CAPN3: variants seen among roughly 807,000 people sequenced by gnomAD.
CAPN3 encodes calpain-3.
In CAPN3, 88 loss-of-function variants were observed where a neutral mutation model predicts 114.0. That is an observed-to-expected ratio of 0.77 (90% CI 0.65 to 0.92). The LOEUF is 0.92. Among genes scored for constraint, CAPN3 ranks in the 40% least tolerant of loss-of-function variants. The probability of loss-of-function intolerance (pLI) is 0.00; values close to 1 mark genes in which losing one functional copy is unlikely to be tolerated. For synonymous variants in CAPN3, 386 were observed against 382.9 expected (o/e 1.01, Z -0.09); for missense variants, 1,028 against 1,069.0 (o/e 0.96, Z 0.53).
intron 22 of CAPN3, 109 bp downstream of exon 22, chr15:42,411,109 A>C: frequency 9.3e-7 from 1 of 1,078,278 alleles, no homozygotes. Flanking sequence ...AACAAGGGCC[A>C]ATGACCTCTT....
chr15:42,393,580 T>G (rs1227889593), intron 7 of CAPN3, among the ~76,000 whole-genome samples: 1 of 150,612 alleles, frequency 6.6e-6, no homozygotes, highest in Non-Finnish European at 1.5e-5. Context: ...AGGGGCCTTT[T>G]GTCTTTCTTT....
intron 9 of CAPN3, among the ~76,000 whole-genome samples, chr15:42,398,323 G>A (rs1388569706): frequency 6.6e-6 from 1 of 152,024 alleles, no homozygotes; most frequent in African/African-American, 2.4e-5. Flanking sequence ...GGTGGCTTAT[G>A]CCTGTAATCC....
At chr15:42,392,107 G>C (rs548649621) in intron 6 of CAPN3, among the ~76,000 whole-genome samples, 5 of 152,196 alleles carry the variant, frequency 3.3e-5, no homozygotes, top group African/African-American at 1.2e-4. Context: ...AGAGGTTGCA[G>C]TGAGCCGAGA....
At chr15:42,392,430 C>G (rs1210328277) in intron 6 of CAPN3, among the ~76,000 whole-genome samples, 3 of 152,090 alleles carry the variant, frequency 2.0e-5, no homozygotes, top group African/African-American at 4.8e-5. Context: ...AGAGCCTTCT[C>G]AGGGAGACCA....
chr15:42,381,120 A>G (rs992411352), intron 1 of CAPN3, among the ~76,000 whole-genome samples: 9 of 152,050 alleles, frequency 5.9e-5, no homozygotes, highest in Admixed American at 1.3e-4. Context: ...TAATTGCCCA[A>G]TACATTGTTT....
intron 1 of CAPN3, among the ~76,000 whole-genome samples, chr15:42,377,343 C>T (rs1178550059): frequency 2.0e-5 from 3 of 152,164 alleles, no homozygotes; most frequent in Non-Finnish European, 4.4e-5. Flanking sequence ...TGAGGACATT[C>T]TCCTCTCTTC....
chr15:42,389,926 T>C (rs2053509148), intron 5 of CAPN3, 27 bp from the exon 6 acceptor site: 1 of 1,613,718 alleles, frequency 6.2e-7, no homozygotes, highest in South Asian at 1.1e-5. Flanking sequence ...CCCTGTGTTG[T>C]TCCCTACATT....
At chr15:42,395,301 G>A (rs1015290196) in intron 8 of CAPN3, among the ~76,000 whole-genome samples, 3 of 152,254 alleles carry the variant, frequency 2.0e-5, no homozygotes, top group Middle Eastern at 3.4e-3. Context: ...ACCTATGCAC[G>A]CTACACCTAT....
intron 1 of CAPN3, among the ~76,000 whole-genome samples, chr15:42,384,099 A>G (rs1448054387): frequency 6.6e-6 from 1 of 152,088 alleles, no homozygotes; most frequent in Non-Finnish European, 1.5e-5. Flanking sequence ...CAGGAACACT[A>G]CATAATGGAA....
At chr15:42,411,148 G>GGTTA (rs1448855727) in intron 22 of CAPN3, 139 bp from the exon 23 acceptor site, 1 of 1,002,454 alleles carries the variant, frequency 1.0e-6, no homozygotes, top group African/African-American at 1.6e-5. Flanking sequence ...GCAAAGGGAG[G>GGTTA]GTTACTGGTG....
intron 9 of CAPN3, among the ~76,000 whole-genome samples, chr15:42,397,283 C>T (rs898503602): frequency 6.6e-6 from 1 of 152,210 alleles, no homozygotes; most frequent in Non-Finnish European, 1.5e-5. Context: ...CAAGTCTCAG[C>T]TTAAGGAGAG....
intron 1 of CAPN3, among the ~76,000 whole-genome samples, chr15:42,361,387 C>T (rs1198683588): frequency 6.6e-6 from 1 of 152,134 alleles, no homozygotes; most frequent in Non-Finnish European, 1.5e-5. Flanking sequence ...GGGAAGATCA[C>T]TTGAACTCGG....
intron 8 of CAPN3, among the ~76,000 whole-genome samples, chr15:42,395,122 C>T (rs112766866): frequency 6.8e-4 from 104 of 152,232 alleles, no homozygotes; most frequent in Non-Finnish European, 1.1e-3. Context: ...ATTACTGGTT[C>T]GTTCAGTCAT....
chr15:42,401,657 C>G lies in CAPN3; in HGVS notation c.1371C>G (p.Asn457Lys). The G allele has an allele frequency of 6.2e-7, 1 of 1,614,144 alleles. No homozygotes were observed. The highest frequency in any genetic ancestry group is 8.5e-7 in the Non-Finnish European group (1 of 1,180,020). The change falls in exon 11 of 24, where the codon AAC (asparagine) becomes AAG (lysine). Residue 457 changes from asparagine (N) to lysine (K), a missense_variant. Asn to Lys is a moderately conservative substitution (Grantham distance 94, BLOSUM62 0). Transcript: ENST00000397163. ...CRNFPDTFWTNPQYRLKLLEE... is the reference protein window; with the variant it reads ...CRNFPDTFWTKPQYRLKLLEE... Reference sequence around the variant, plus strand: ...GGGGTGCAGATACTTTCTGGACCAACCCTCAGTACCGTCTGAAGCTCCTGG... The same window carrying G: ...GGGGTGCAGATACTTTCTGGACCAAGCCTCAGTACCGTCTGAAGCTCCTGG...
Position 42,392,628 on chromosome 15 carries a change from C to T in CAPN3, c.946-11C>T. ...CCGCCCCTAATGGGTTCTCTGGTTA[C>T]TGCTCTACAGACAATCATTCCGGTT... is the stretch of plus-strand genomic sequence containing the variant. On this transcript the variant is annotated splice_polypyrimidine_tract_variant and intron_variant, in intron 6 of 23. Transcript: ENST00000397163. The T allele has an allele frequency of 6.2e-7, 1 of 1,611,008 alleles. No individual in the cohort carries two copies.
intron 16 of CAPN3, 115 bp downstream of exon 16, chr15:42,408,439 T>A: frequency 1.4e-6 from 1 of 709,792 alleles, no homozygotes; most frequent in Non-Finnish European, 2.6e-6. Context: ...CATCTGGAGG[T>A]TTGAATTTGT....
Position 42,386,271 on chromosome 15 carries a change from A to G in CAPN3, c.484A>G (p.Ile162Val). Residue 162 changes from isoleucine (I) to valine (V), a missense_variant, in exon 3 of 24, where the codon ATC becomes GTC. Coordinates refer to ENST00000397163, the MANE Select transcript of CAPN3 (RefSeq NM_000070.3). ...DQSFIENYAG[I>V]FHFQFWRYGE... Reference sequence around the variant, plus strand: ...AAGTTTCATCGAAAACTACGCAGGGATCTTCCACTTCCAGGTGAGGTAATG... The same window carrying G: ...AAGTTTCATCGAAAACTACGCAGGGGTCTTCCACTTCCAGGTGAGGTAATG... 6.2e-7 allele frequency: 1 copy of G among 1,611,024 alleles called. No individual in the cohort carries two copies. The highest frequency in any genetic ancestry group is 8.5e-7 in the Non-Finnish European group (1 of 1,177,242).
At chr15:42,375,737 C>A (rs1432865514) in intron 1 of CAPN3, among the ~76,000 whole-genome samples, 2 of 152,122 alleles carry the variant, frequency 1.3e-5, no homozygotes, top group Non-Finnish European at 2.9e-5. Flanking sequence ...TACCTTGCAG[C>A]CATTTCTTCC....
intron 1 of CAPN3, among the ~76,000 whole-genome samples, chr15:42,367,270 G>A (rs1375797045): frequency 6.6e-6 from 1 of 152,152 alleles, no homozygotes; most frequent in East Asian, 1.9e-4. Context: ...AGTGTGGGGA[G>A]AGAGAAGCAC....
Sources: gnomAD v4.1 joint callset for allele counts (sites outside exome capture counted in the v4.1 genomes callset) on GRCh38, gnomAD v4.1.1 for gene constraint, MANE v1.5 for transcripts, NCBI Gene and HGNC (gene_info 2026-07-23, HGNC 2026-07-21) for gene names.